FAM184A: variants seen among roughly 807,000 people sequenced by gnomAD.
The protein encoded by FAM184A is family with sequence similarity 184 member A.
In FAM184A, 99 loss-of-function variants were observed where a neutral mutation model predicts 143.8. The observed-to-expected ratio is 0.69, with a 90% CI of 0.58 to 0.81. The LOEUF (loss-of-function observed/expected upper bound fraction) is 0.81. Among genes scored for constraint, FAM184A ranks in the 40% least tolerant of loss-of-function variants. The pLI, the probability that FAM184A is intolerant of heterozygous loss-of-function variation, is 0.00. For missense variants in FAM184A, 1,217 were observed against 1,310.5 expected, an observed-to-expected ratio of 0.93 and a Z score of 1.10; for synonymous variants, 427 against 446.4, an observed-to-expected ratio of 0.96 and a Z score of 0.55.
chr6:119,041,156 A>G (rs1345742592), intron 1 of FAM184A, among the ~76,000 whole-genome samples: 2 of 152,172 alleles, frequency 1.3e-5, no homozygotes, highest in Non-Finnish European at 2.9e-5. Flanking sequence ...TCATTTTATT[A>G]CTAAAATACT....
At position 118,959,787 on chromosome 6, in the gene FAM184A, A is replaced by ATTT. The variant is rs1783261179; in HGVS notation, c.*313_*315dup. On this transcript the variant is annotated 3_prime_UTR_variant, in exon 18 of 18. Coordinates refer to ENST00000338891, the MANE Select transcript of FAM184A (RefSeq NM_024581.6). The stretch of plus-strand genomic sequence containing the variant: ...CAAGTCTTACCTGGAATTAAAAAAT[A>ATTT]TTTAAAAATTAAAGCAAACGTAGAA... 1 of 170,624 alleles carries ATTT rather than the reference A, an allele frequency of 5.9e-6. No individual in the cohort carries two copies. Among genetic ancestry groups the ATTT allele is most frequent in the African/African-American group, 2.4e-5 (1 of 41,150 alleles). The allele number at this position is 170,624 out of a possible 1,614,324, so 10.6% of individuals were successfully genotyped here. A position where few individuals can be genotyped will look rare whatever the true frequency, so the allele number is the denominator to read the frequency against.
chr6:119,085,060 T>C (rs1355752585), intron 1 of FAM184A, among the ~76,000 whole-genome samples: 1 of 152,232 alleles, frequency 6.6e-6, no homozygotes, highest in Non-Finnish European at 1.5e-5. Flanking sequence ...TTCTGCCCAT[T>C]GTCTTGGCTA....
rs1005549529 is a variant in FAM184A, at chr6:119,011,558, T to C, written c.1531-127A>G. 27 of 600,818 alleles carry C rather than the reference T, an allele frequency of 4.5e-5. No homozygotes were observed. In the African/African-American group the frequency reaches 5.2e-4, roughly 12 times the overall value. 37.2% of individuals were successfully genotyped at this position (600,818 alleles called of 1,614,324 possible). ...CTCTTCAAATTAGCCTTACCCTTAA[T>C]TAACAATATCTGAATTAACAGTGAC... is the stretch of plus-strand genomic sequence containing the variant. On this transcript the variant is annotated intron_variant, in intron 5 of 17. Transcript: ENST00000338891.
At chr6:118,961,653 A>G in intron 17 of FAM184A, 108 bp downstream of exon 17, 1 of 887,644 alleles carries the variant, frequency 1.1e-6, no homozygotes, top group East Asian at 2.4e-5. Flanking sequence ...AATATTTCAT[A>G]GTAATTTTTC....
At chr6:119,002,348 T>C (rs1404234892) in intron 9 of FAM184A, among the ~76,000 whole-genome samples, 1 of 152,158 alleles carries the variant, frequency 6.6e-6, no homozygotes, top group African/African-American at 2.4e-5. Context: ...CAAATTCTTT[T>C]AATTACAGTT....
At chr6:119,124,124 C>A (rs188284061) in intron 1 of FAM184A, among the ~76,000 whole-genome samples, 5 of 152,150 alleles carry the variant, frequency 3.3e-5, no homozygotes, top group Admixed American at 2.6e-4. Context: ...ATAGTCTTAG[C>A]CAATCAGTAT....
intron 1 of FAM184A, among the ~76,000 whole-genome samples, chr6:119,135,121 GTATACT>G (rs1789629212): frequency 6.6e-6 from 1 of 152,120 alleles, no homozygotes; most frequent in South Asian, 2.1e-4. Context: ...ACTAATTGTG[GTATACT>G]TATACAGTGA....
At chr6:119,120,876 CT>C (rs1789195500) in intron 1 of FAM184A, among the ~76,000 whole-genome samples, 6 of 125,666 alleles carry the variant, frequency 4.8e-5, no homozygotes, top group Non-Finnish European at 8.0e-5. Context: ...GAGACAGGGT[CT>C]TGTTCTGTTG....
chr6:119,060,290 T>A (rs1194393226), intron 1 of FAM184A, among the ~76,000 whole-genome samples: 1 of 152,212 alleles, frequency 6.6e-6, no homozygotes, highest in East Asian at 1.9e-4. Flanking sequence ...GTTTTCTTGC[T>A]GGCATATATG....
At chr6:118,995,801 C>T (rs1321446371) in intron 9 of FAM184A, among the ~76,000 whole-genome samples, 2 of 152,188 alleles carry the variant, frequency 1.3e-5, no homozygotes, top group East Asian at 3.8e-4. Context: ...AGTATCTCAT[C>T]ACATGAAAGA....
intron 1 of FAM184A, among the ~76,000 whole-genome samples, chr6:119,126,155 G>A (rs971710923): frequency 6.6e-6 from 1 of 152,218 alleles, no homozygotes; most frequent in Non-Finnish European, 1.5e-5. Context: ...TTGTAGGACT[G>A]TGATTGCCAC....
chr6:119,109,146 G>A (rs4945630), intron 1 of FAM184A, among the ~76,000 whole-genome samples: 81,821 of 151,436 alleles, frequency 0.54, 22,545 homozygotes, highest in East Asian at 0.73. Flanking sequence ...AATTTCTGTA[G>A]CACTTGTCCT....
At chr6:119,081,033 G>A (rs373221672), upstream of FAM184A, among the ~76,000 whole-genome samples, 8 of 152,046 alleles carry the variant, frequency 5.3e-5, no homozygotes, top group African/African-American at 1.7e-4. Flanking sequence ...GGTGCTACAC[G>A]CTTTTAAACA....
intron 1 of FAM184A, among the ~76,000 whole-genome samples, chr6:119,042,521 A>G (rs117833173): frequency 0.015 from 2,290 of 152,246 alleles, 27 homozygotes; most frequent in Middle Eastern, 0.044. Flanking sequence ...GAGGAGGCAA[A>G]GACTGAAGTT....
upstream of FAM184A, among the ~76,000 whole-genome samples, chr6:119,082,940 C>G (rs1387520377): frequency 6.6e-6 from 1 of 152,240 alleles, no homozygotes; most frequent in Non-Finnish European, 1.5e-5. Context: ...AGAGGTTCTC[C>G]ATGAGGACTC....
At chr6:118,992,138 G>A (rs1784400298) in intron 9 of FAM184A, among the ~76,000 whole-genome samples, 1 of 152,086 alleles carries the variant, frequency 6.6e-6, no homozygotes, top group African/African-American at 2.4e-5. Flanking sequence ...AGTGCTGTAA[G>A]AAAAGTGAAA....
chr6:119,054,815 A>G (rs1156359570), intron 1 of FAM184A, among the ~76,000 whole-genome samples: 3 of 152,162 alleles, frequency 2.0e-5, no homozygotes, highest in Admixed American at 6.5e-5. Context: ...TATAGGTCCT[A>G]TACTCAGGAA....
intron 9 of FAM184A, among the ~76,000 whole-genome samples, chr6:118,984,397 T>TG (rs1784126746): frequency 6.6e-6 from 1 of 151,498 alleles, no homozygotes; most frequent in African/African-American, 2.4e-5. Context: ...AGGCTGGTCT[T>TG]GAACTCCTGG....
intron 6 of FAM184A, among the ~76,000 whole-genome samples, chr6:119,007,433 C>T (rs1210262253): frequency 6.6e-6 from 1 of 151,970 alleles, no homozygotes; most frequent in African/African-American, 2.4e-5. Context: ...CCCAAGTGCA[C>T]GGCCTTCCTG....
Sources: allele counts gnomAD v4.1 joint callset (sites outside exome capture counted in the v4.1 genomes callset), GRCh38; gene constraint gnomAD v4.1.1; transcripts MANE v1.5; gene names NCBI Gene and HGNC (gene_info 2026-07-23, HGNC 2026-07-21).